The following PBRM1 variants were observed in gnomAD, a reference collection of about 807,000 sequenced individuals.
PBRM1 encodes protein polybromo-1.
PBRM1 carries 27 observed loss-of-function variants against 194.5 expected under a neutral mutation model. That is an observed-to-expected ratio of 0.14 (90% CI 0.10 to 0.19). The LOEUF (loss-of-function observed/expected upper bound fraction) is 0.19. Among genes scored for constraint, PBRM1 ranks in the 10% least tolerant of loss-of-function variants. The pLI is 1.00. For synonymous variants in PBRM1, 655 were observed against 693.2 expected (o/e 0.94, Z 0.87); for missense variants, 1,466 against 2,077.2 (o/e 0.71, Z 5.72).
At chr3:52,647,027 G>C (rs1453917240) in intron 7 of PBRM1, among the ~76,000 whole-genome samples, 2 of 151,934 alleles carry the variant, frequency 1.3e-5, no homozygotes, top group Non-Finnish European at 2.9e-5. Context: ...ATAATATCCA[G>C]AACATATAAA....
chr3:52,613,168 G>A (rs2094739943), intron 15 of PBRM1, among the ~76,000 whole-genome samples: 1 of 152,072 alleles, frequency 6.6e-6, no homozygotes, highest in African/African-American at 2.4e-5. Context: ...GCAGATATCT[G>A]CACATATTAC....
chr3:52,643,798 T>G (rs1410227333), intron 8 of PBRM1, among the ~76,000 whole-genome samples: 1 of 152,124 alleles, frequency 6.6e-6, no homozygotes, highest in South Asian at 2.1e-4. Context: ...AGTGAAACCC[T>G]GTCTCTACTA....
At chr3:52,647,671 T>C (rs1477594726) in intron 7 of PBRM1, among the ~76,000 whole-genome samples, 1 of 151,778 alleles carries the variant, frequency 6.6e-6, no homozygotes, top group Non-Finnish European at 1.5e-5. Flanking sequence ...TACTGACACA[T>C]GCTACAAAAT....
intron 13 of PBRM1, among the ~76,000 whole-genome samples, chr3:52,622,137 C>T (rs987397840): frequency 6.6e-6 from 1 of 152,024 alleles, no homozygotes; most frequent in African/African-American, 2.4e-5. Context: ...GTCAGGAGTT[C>T]GAGACCAGCC....
chr3:52,668,519 G>A, exon 3 of PBRM1: 1 of 1,603,952 alleles, frequency 6.2e-7, no homozygotes, highest in Non-Finnish European at 8.5e-7. Flanking sequence ...ACTTTGCATT[G>A]TTAAAAAGAA....
chr3:52,634,718 A>T (rs2153646282), exon 11 of PBRM1: 2 of 1,613,716 alleles, frequency 1.2e-6, no homozygotes, highest in Non-Finnish European at 1.7e-6. Flanking sequence ...TATTCCGACA[A>T]CTCCTAACTG....
At chr3:52,569,345 G>C (rs186146073) in intron 22 of PBRM1, among the ~76,000 whole-genome samples, 2,075 of 152,040 alleles carry the variant, frequency 0.014, 18 homozygotes, top group South Asian at 0.036. Flanking sequence ...CAAGTAGCTG[G>C]GACTACAGGC....
intron 2 of PBRM1, among the ~76,000 whole-genome samples, chr3:52,670,826 C>A (rs961171118): frequency 7.9e-5 from 12 of 152,160 alleles, no homozygotes; most frequent in African/African-American, 2.9e-4. Context: ...TGGTGAGTAG[C>A]CTGCATTCCA....
At chr3:52,672,492 T>A (rs1448567221) in intron 2 of PBRM1, among the ~76,000 whole-genome samples, 1 of 55,866 alleles carries the variant, frequency 1.8e-5, no homozygotes, top group Non-Finnish European at 4.9e-5. Flanking sequence ...TTTTTTTGGC[T>A]TTTTTTTTTT....
At chr3:52,679,860 G>GTTT (rs771655951), upstream of PBRM1, 46 of 398,944 alleles carry the variant, frequency 1.2e-4, no homozygotes, top group East Asian at 2.5e-4. Context: ...CTAGCTATAA[G>GTTT]TTTTTTTTTT....
At chr3:52,572,467 G>A (rs1330111665) in intron 22 of PBRM1, among the ~76,000 whole-genome samples, 1 of 152,078 alleles carries the variant, frequency 6.6e-6, no homozygotes, top group East Asian at 1.9e-4. Flanking sequence ...CTCCCTCACA[G>A]GTTCTAGCGA....
chr3:52,633,696 C>A (rs1199317471), intron 11 of PBRM1, among the ~76,000 whole-genome samples: 5 of 152,134 alleles, frequency 3.3e-5, no homozygotes, highest in Non-Finnish European at 5.9e-5. Context: ...TTTAAAGTAA[C>A]CATCCTAATG....
At chr3:52,599,809 AAC>A (rs1487760722) in intron 17 of PBRM1, among the ~76,000 whole-genome samples, 2 of 151,812 alleles carry the variant, frequency 1.3e-5, no homozygotes, top group African/African-American at 4.8e-5. Flanking sequence ...CAGCCTGGGC[AAC>A]AGAGTGAGAC....
At chr3:52,569,217 T>TC (rs1327551833) in intron 22 of PBRM1, among the ~76,000 whole-genome samples, 1 of 151,700 alleles carries the variant, frequency 6.6e-6, no homozygotes, top group East Asian at 1.9e-4. Flanking sequence ...AATATGATTT[T>TC]TTTTTTTTTT....
chr3:52,554,921 G>A, intron 26 of PBRM1, 42 bp from the exon 29 acceptor site: 1 of 1,570,424 alleles, frequency 6.4e-7, no homozygotes, highest in Non-Finnish European at 8.7e-7. Flanking sequence ...TCATTAACAT[G>A]CAACATGAGC....
chr3:52,632,878 G>C (rs1328594363), intron 11 of PBRM1, among the ~76,000 whole-genome samples: 1 of 151,890 alleles, frequency 6.6e-6, no homozygotes, highest in Non-Finnish European at 1.5e-5. Context: ...ACTTTTAATG[G>C]AGACGGGGTT....
At chr3:52,578,671 C>T (rs943609849) in intron 21 of PBRM1, among the ~76,000 whole-genome samples, 1 of 152,192 alleles carries the variant, frequency 6.6e-6, no homozygotes, top group African/African-American at 2.4e-5. Flanking sequence ...CAATGAACAC[C>T]GATATGTGAT....
intron 10 of PBRM1, among the ~76,000 whole-genome samples, chr3:52,637,768 A>G: frequency 7.2e-6 from 1 of 138,488 alleles, no homozygotes; most frequent in African/African-American, 2.8e-5. Flanking sequence ...TCTCTACTAA[A>G]AATACAAAAA....
chr3:52,563,567 C>G, intron 23 of PBRM1, 74 bp from the exon 26 acceptor site: 2 of 1,031,874 alleles, frequency 1.9e-6, no homozygotes, highest in East Asian at 4.8e-5. Flanking sequence ...AGTGTTCCAC[C>G]TTAACAACTA....
Sources: allele counts gnomAD v4.1 joint callset (sites outside exome capture counted in the v4.1 genomes callset), GRCh38; gene constraint gnomAD v4.1.1; transcripts MANE v1.5; gene names NCBI Gene and HGNC (gene_info 2026-07-23, HGNC 2026-07-21).